The following FAM219A variants were observed in gnomAD, a reference collection of about 807,000 sequenced individuals.
FAM219A encodes the protein family with sequence similarity 219 member A.
A neutral mutation model predicts 23.4 loss-of-function variants in FAM219A; 7 were observed. That is an observed-to-expected ratio of 0.30 (90% CI 0.17 to 0.56). The LOEUF (loss-of-function observed/expected upper bound fraction) is 0.56. Among genes scored for constraint, FAM219A ranks in the 20% least tolerant of loss-of-function variants. The probability of loss-of-function intolerance (pLI) is 0.92; values close to 1 mark genes in which losing one functional copy is unlikely to be tolerated. For missense variants in FAM219A, 166 were observed against 246.9 expected (o/e 0.67, Z 2.20); for synonymous variants, 93 against 99.0 (o/e 0.94, Z 0.36).
intron 1 of FAM219A, among the ~76,000 whole-genome samples, chr9:34,456,729 T>C (rs754600581): frequency 5.3e-5 from 8 of 152,326 alleles, no homozygotes; most frequent in South Asian, 2.1e-4. Flanking sequence ...AATGATGGCA[T>C]GAGGCTAGGA....
intron 1 of FAM219A, among the ~76,000 whole-genome samples, chr9:34,433,969 G>A (rs962131224): frequency 3.3e-5 from 5 of 151,940 alleles, no homozygotes; most frequent in African/African-American, 7.3e-5. Context: ...TTGGGAGGCC[G>A]AGGCGGGCGG....
At position 34,458,553 on chromosome 9, in the gene FAM219A, C is replaced by T. The variant is rs1823859947; in HGVS notation, c.-290G>A. 7.7e-6 allele frequency: 3 copies of T among 388,900 alleles called. No individual in the cohort carries two copies. The highest frequency in any genetic ancestry group is 6.6e-5 in the South Asian group (2 of 30,252). 24.1% of individuals were successfully genotyped at this position (388,900 alleles called of 1,614,324 possible). ...CCGCTGCCGCCTCCTGTCAGCAGCT[C>T]AGCCACTGCGGTGACTCGGCAACTC... On this transcript the variant is annotated 5_prime_UTR_variant, in exon 1 of 6. Coordinates refer to ENST00000651358, the MANE Select transcript of FAM219A (RefSeq NM_001184940.2). The surrounding 1 kb of genome is among the most constrained non-coding windows in gnomAD (Gnocchi z 6.6).
intron 1 of FAM219A, among the ~76,000 whole-genome samples, chr9:34,419,934 T>C (rs1230455422): frequency 1.3e-5 from 2 of 152,144 alleles, no homozygotes; most frequent in African/African-American, 4.8e-5. Flanking sequence ...TCGCTGCCCT[T>C]CCTCTCCTTT....
At chr9:34,407,334 A>G (rs1821674527) in intron 1 of FAM219A, among the ~76,000 whole-genome samples, 1 of 152,142 alleles carries the variant, frequency 6.6e-6, no homozygotes, top group South Asian at 2.1e-4. Context: ...TTGGTTGGAG[A>G]AAAGGTTCTA....
At chr9:34,454,304 C>T (rs1159686350) in intron 1 of FAM219A, among the ~76,000 whole-genome samples, 1 of 152,212 alleles carries the variant, frequency 6.6e-6, no homozygotes, top group Admixed American at 6.5e-5. Flanking sequence ...GGCGTGGTGG[C>T]ATGCGCCTGT....
At chr9:34,416,626 G>A (rs1005870683) in intron 1 of FAM219A, among the ~76,000 whole-genome samples, 1 of 151,828 alleles carries the variant, frequency 6.6e-6, no homozygotes, top group African/African-American at 2.4e-5. Context: ...TTAGCTGGGT[G>A]TGGTGGGGTG....
intron 1 of FAM219A, among the ~76,000 whole-genome samples, chr9:34,445,526 G>T (rs1823335043): frequency 6.6e-6 from 1 of 152,176 alleles, no homozygotes. Flanking sequence ...AGGAGAGGAG[G>T]CCTCAAGGTG....
intron 1 of FAM219A, among the ~76,000 whole-genome samples, chr9:34,444,817 A>T (rs757828565): frequency 7.2e-5 from 11 of 152,088 alleles, no homozygotes; most frequent in Non-Finnish European, 1.5e-4. Context: ...AGAATAATTT[A>T]TTATTCTCTC....
intron 1 of FAM219A, among the ~76,000 whole-genome samples, chr9:34,412,083 GA>G (rs1007989913): frequency 6.6e-6 from 1 of 152,194 alleles, no homozygotes; most frequent in African/African-American, 2.4e-5. Context: ...GGGAGCCAAT[GA>G]AGCCTTAAGC....
intron 1 of FAM219A, among the ~76,000 whole-genome samples, chr9:34,449,469 C>T (rs1361755458): frequency 6.6e-6 from 1 of 152,200 alleles, no homozygotes; most frequent in East Asian, 1.9e-4. Context: ...TGGTATTTGC[C>T]TGTGCACCTA....
At chr9:34,454,651 TCTC>T (rs1018084003) in intron 1 of FAM219A, among the ~76,000 whole-genome samples, 5 of 152,024 alleles carry the variant, frequency 3.3e-5, no homozygotes, top group Admixed American at 1.3e-4. Flanking sequence ...AGGGCAGGGA[TCTC>T]CTCCTCTTCC....
chr9:34,416,273 G>GGGAAGGAAGGAAGGAAGGAA (rs74180565), intron 1 of FAM219A, among the ~76,000 whole-genome samples: 1,884 of 114,084 alleles, frequency 0.017, 100 homozygotes, highest in African/African-American at 0.021. Flanking sequence ...GAGGGAGGGA[G>GGGAAGGAAGGAAGGAAGGAA]GGAAGGAAGG....
chr9:34,452,535 T>C (rs1823596035), intron 1 of FAM219A, among the ~76,000 whole-genome samples: 1 of 152,202 alleles, frequency 6.6e-6, no homozygotes, highest in Admixed American at 6.5e-5. Context: ...TGTCCCATCG[T>C]GTTTCTCTGC....
intron 1 of FAM219A, among the ~76,000 whole-genome samples, chr9:34,430,167 G>A (rs1475438611): frequency 1.3e-5 from 2 of 152,138 alleles, no homozygotes; most frequent in Non-Finnish European, 2.9e-5. Context: ...CTACAGGGCT[G>A]GTCTTGGAAA....
intron 1 of FAM219A, among the ~76,000 whole-genome samples, chr9:34,456,543 C>A (rs1310719397): frequency 3.9e-5 from 6 of 152,236 alleles, no homozygotes; most frequent in African/African-American, 1.4e-4. Context: ...CCTTCATCCA[C>A]CCTCTATTTT....
chr9:34,416,808 A>ATTTTTT (rs781741211), intron 1 of FAM219A, among the ~76,000 whole-genome samples: 1 of 113,650 alleles, frequency 8.8e-6, no homozygotes, highest in Non-Finnish European at 1.7e-5. Flanking sequence ...TCAGCTCTCC[A>ATTTTTT]TTTTTTTTTT....
chr9:34,429,788 A>T (rs1462359320), intron 1 of FAM219A, among the ~76,000 whole-genome samples: 1 of 152,202 alleles, frequency 6.6e-6, no homozygotes, highest in African/African-American at 2.4e-5. Flanking sequence ...TCCTATTGGT[A>T]GGCCGAAAGT....
At position 34,440,371 on chromosome 9, in the gene FAM219A, G is replaced by C. The variant is rs575497139; in HGVS notation, c.60+17833C>G. Among the ~76,000 whole-genome samples the C allele has an allele frequency of 3.3e-5, 5 of 152,288 alleles. No individual in the cohort carries two copies. The East Asian group carries it at 7.7e-4, about 24-fold the overall frequency. On this transcript the variant is annotated intron_variant, in intron 1 of 5. Coordinates refer to ENST00000651358, the MANE Select transcript of FAM219A (RefSeq NM_001184940.2). ...GCAAGAGGCAGCTCTCAACTTCTGT[G>C]TGCTTCTCTGGTGAGCTGGCTTGCA...
At chr9:34,447,849 A>G (rs992863351) in intron 1 of FAM219A, among the ~76,000 whole-genome samples, 3 of 151,980 alleles carry the variant, frequency 2.0e-5, no homozygotes, top group Non-Finnish European at 4.4e-5. Context: ...AGTGCTGAAG[A>G]TCAAGTAGAA....
Sources: gnomAD v4.1 joint callset for allele counts (sites outside exome capture counted in the v4.1 genomes callset) on GRCh38, gnomAD v4.1.1 for gene constraint, Gnocchi (gnomAD v3.1) non-coding constraint, MANE v1.5 for transcripts, NCBI Gene and HGNC (gene_info 2026-07-23, HGNC 2026-07-21) for gene names.